CCDC171: variants seen among roughly 807,000 people sequenced by gnomAD.
The protein encoded by CCDC171 is coiled-coil domain-containing protein 171.
In CCDC171, 177 loss-of-function variants were observed where a neutral mutation model predicts 168.2. That is an observed-to-expected ratio of 1.05 (90% CI 0.93 to 1.19). The LOEUF (loss-of-function observed/expected upper bound fraction) is 1.19, where lower values mean the gene tolerates loss of function less well. Ranked by LOEUF, CCDC171 falls within the 50% of genes most tolerant of loss-of-function variation. CCDC171 has a pLI of 0.00. For missense variants in CCDC171, 1,991 were observed against 1,539.0 expected (o/e 1.29, Z -4.91); for synonymous variants, 687 against 540.8 (o/e 1.27, Z -3.75).
the CCDC171 span, among the ~76,000 whole-genome samples, chr9:16,094,779 T>A: frequency 2.0e-5 from 3 of 152,096 alleles, no homozygotes; most frequent in Admixed American, 2.0e-4. Flanking sequence ...AATAAGGAGG[T>A]CATCCAAGAA....
chr9:15,892,858 G>C (rs1483323796), intron 24 of CCDC171, among the ~76,000 whole-genome samples: 1 of 152,048 alleles, frequency 6.6e-6, no homozygotes, highest in Non-Finnish European at 1.5e-5. Flanking sequence ...TGGCCTTACT[G>C]TCCCAAATAA....
intron 9 of CCDC171, among the ~76,000 whole-genome samples, chr9:15,671,435 G>C (rs2049101887): frequency 6.6e-6 from 1 of 151,922 alleles, no homozygotes; most frequent in Non-Finnish European, 1.5e-5. Context: ...TGCCACGTTG[G>C]TTTGCTGCAT....
chr9:15,590,854 T>TCTTTCTTTCTTTC, intron 4 of CCDC171, among the ~76,000 whole-genome samples: 1 of 147,370 alleles, frequency 6.8e-6, no homozygotes, highest in Non-Finnish European at 1.5e-5. Context: ...TTTCTTTCTT[T>TCTTTCTTTCTTTC]TTTCTTTCTT....
At position 15,903,714 on chromosome 9, in the gene CCDC171, C is replaced by G. The variant is rs1044352831; in HGVS notation, c.3601-16556C>G. On this transcript the variant is annotated intron_variant, in intron 24 of 25. Transcript: ENST00000380701. Reference sequence around the variant, plus strand: ...CAAGTTGAGAGAAGAAGGCTTCAGACGATCAAACTACTCCGAGCTAAAGGA... The same window carrying G: ...CAAGTTGAGAGAAGAAGGCTTCAGAGGATCAAACTACTCCGAGCTAAAGGA... Among the ~76,000 whole-genome samples, 3 of 152,112 alleles carry G rather than the reference C, an allele frequency of 2.0e-5. No individual in the cohort carries two copies. The East Asian group carries it at 5.8e-4, about 29-fold the overall frequency.
chr9:15,637,693 C>T (rs1394640307), intron 7 of CCDC171, among the ~76,000 whole-genome samples: 1 of 142,534 alleles, frequency 7.0e-6, no homozygotes, highest in African/African-American at 2.6e-5. Flanking sequence ...TTGTTCAGTT[C>T]CCATCTATGA....
At chr9:15,685,294 G>T (rs2050310452) in intron 10 of CCDC171, among the ~76,000 whole-genome samples, 1 of 151,984 alleles carries the variant, frequency 6.6e-6, no homozygotes, top group South Asian at 2.1e-4. Context: ...TATATTAAAA[G>T]GTTGTTAAGA....
At chr9:15,658,663 G>A (rs1283922211) in intron 8 of CCDC171, among the ~76,000 whole-genome samples, 1 of 152,132 alleles carries the variant, frequency 6.6e-6, no homozygotes, top group Non-Finnish European at 1.5e-5. Context: ...CAGAGGCAGA[G>A]ATGTGATGAC....
chr9:15,930,088 T>C (rs1448040300), intron 25 of CCDC171, among the ~76,000 whole-genome samples: 1 of 151,792 alleles, frequency 6.6e-6, no homozygotes, highest in Non-Finnish European at 1.5e-5. Flanking sequence ...CTTAGTCATA[T>C]TTATAATCCA....
chr9:15,616,116 A>G (rs2044065378), intron 6 of CCDC171, among the ~76,000 whole-genome samples: 2 of 151,928 alleles, frequency 1.3e-5, no homozygotes, highest in South Asian at 2.1e-4. Flanking sequence ...ACACCTGGCT[A>G]ATTTTTTGTA....
At chr9:16,077,801 C>A in the CCDC171 span, among the ~76,000 whole-genome samples, 1 of 152,142 alleles carries the variant, frequency 6.6e-6, no homozygotes, top group Non-Finnish European at 1.5e-5. Flanking sequence ...CAGGGTTGCC[C>A]TTGGACAAAT....
At chr9:15,553,517 C>G (rs1355411756) in intron 1 of CCDC171, 1 of 152,436 alleles carries the variant, frequency 6.6e-6, no homozygotes, top group African/African-American at 2.4e-5. Flanking sequence ...TGTACCAGAG[C>G]GCCGGATGGG....
intron 10 of CCDC171, among the ~76,000 whole-genome samples, chr9:15,688,403 A>T (rs7854714): frequency 0.41 from 61,741 of 152,026 alleles, 14,312 homozygotes; most frequent in East Asian, 0.76. Flanking sequence ...TACAAAAACC[A>T]AATATACTGA....
intron 11 of CCDC171, among the ~76,000 whole-genome samples, chr9:15,720,844 C>G (rs1322154892): frequency 6.6e-6 from 1 of 152,162 alleles, no homozygotes; most frequent in Non-Finnish European, 1.5e-5. Context: ...CCTCCCTCCA[C>G]CCACCCCACA....
intron 21 of CCDC171, among the ~76,000 whole-genome samples, chr9:15,810,807 A>T (rs547476981): frequency 8.5e-5 from 13 of 152,216 alleles, no homozygotes; most frequent in Non-Finnish European, 1.3e-4. Flanking sequence ...CCACAAGGAG[A>T]GGGAGCTGGC....
At chr9:15,599,035 T>C (rs1412002134) in intron 6 of CCDC171, among the ~76,000 whole-genome samples, 6 of 152,186 alleles carry the variant, frequency 3.9e-5, no homozygotes, top group Non-Finnish European at 4.4e-5. Context: ...TTTGAGCCTA[T>C]GTGTGTCTCT....
chr9:15,840,490 C>T (rs1332852114), intron 21 of CCDC171, among the ~76,000 whole-genome samples: 1 of 152,082 alleles, frequency 6.6e-6, no homozygotes, highest in Middle Eastern at 3.2e-3. Flanking sequence ...CATGTGTATT[C>T]TGTCCCCTTG....
chr9:15,923,528 G>A (rs1825573551), intron 25 of CCDC171, among the ~76,000 whole-genome samples: 1 of 151,300 alleles, frequency 6.6e-6, no homozygotes, highest in African/African-American at 2.4e-5. Flanking sequence ...GGAGATGTTG[G>A]TCAGAGAATA....
chr9:15,729,622 G>T lies in CCDC171; in HGVS notation c.1873G>T (p.Glu625Ter). ...TCTCCCCGTATAGATAAGGCATCTA[G>T]AGTATATCTGTAAAAACAAGTCTGA... is the stretch of plus-strand genomic sequence containing the variant. The part of the protein sequence containing the change: ...NRANEKIRHL[E>*]YICKNKSDTM... Residue 625 changes from glutamate to a stop codon, truncating the protein, a stop_gained, in exon 16 of 26, where the codon GAG (glutamate) becomes TAG (stop). Coordinates refer to ENST00000380701, the MANE Select transcript of CCDC171 (RefSeq NM_173550.4). LOFTEE classifies it high-confidence loss of function. 1.9e-6 allele frequency: 3 copies of T among 1,611,466 alleles called. No homozygotes were observed. Among genetic ancestry groups the T allele is most frequent in the Non-Finnish European group, 2.5e-6 (3 of 1,178,240 alleles).
At chr9:16,013,282 C>T (rs1264861957) in intron 3 of CCDC171, among the ~76,000 whole-genome samples, 1 of 152,204 alleles carries the variant, frequency 6.6e-6, no homozygotes, top group Non-Finnish European at 1.5e-5. Context: ...GTCAGGCCAT[C>T]ATTATTTATT....
Sources: allele counts gnomAD v4.1 joint callset (sites outside exome capture counted in the v4.1 genomes callset), GRCh38; gene constraint gnomAD v4.1.1; transcripts MANE v1.5; gene names NCBI Gene and HGNC (gene_info 2026-07-23, HGNC 2026-07-21).